Variants in TBX20 observed in about 807,000 individuals in gnomAD.
The protein encoded by TBX20 is T-box transcription factor 20.
Under a neutral mutation model 42.9 loss-of-function variants are expected in TBX20, and 8 were observed. The ratio of observed to expected loss-of-function variants is 0.19; its 90% CI spans 0.11 to 0.34. TBX20 has a LOEUF of 0.34. TBX20 is among the 10% of genes least tolerant of loss of function. The probability of loss-of-function intolerance (pLI) is 1.00; values close to 1 mark genes in which losing one functional copy is unlikely to be tolerated. For synonymous variants in TBX20, 198 were observed against 222.8 expected, an observed-to-expected ratio of 0.89 and a Z score of 0.99; for missense variants, 411 against 566.0, an observed-to-expected ratio of 0.73 and a Z score of 2.78.
At chr7:35,221,670 G>C (rs1484431445) in intron 6 of TBX20, among the ~76,000 whole-genome samples, 1 of 152,158 alleles carries the variant, frequency 6.6e-6, no homozygotes. Context: ...AGTTATGCAA[G>C]AACTCATAAA....
intron 3 of TBX20, among the ~76,000 whole-genome samples, chr7:35,247,844 T>C (rs1790223378): frequency 6.6e-6 from 1 of 152,218 alleles, no homozygotes; most frequent in Non-Finnish European, 1.5e-5. Context: ...GCTAATATGT[T>C]TTGTTTTGTA....
intron 6 of TBX20, among the ~76,000 whole-genome samples, chr7:35,226,841 C>T (rs770055779): frequency 1.4e-4 from 21 of 151,932 alleles, no homozygotes; most frequent in East Asian, 1.4e-3. Context: ...AATTATTTCA[C>T]GGTGTACTCC....
chr7:35,244,459 TC>T (rs1790142347), intron 4 of TBX20, among the ~76,000 whole-genome samples: 1 of 152,234 alleles, frequency 6.6e-6, no homozygotes, highest in East Asian at 1.9e-4. Flanking sequence ...AACAGCACTT[TC>T]CCAAACTGAT....
intron 6 of TBX20, among the ~76,000 whole-genome samples, chr7:35,226,567 G>A (rs2128712845): frequency 6.6e-6 from 1 of 152,262 alleles, no homozygotes; most frequent in African/African-American, 2.4e-5. Flanking sequence ...AAGGAAACTT[G>A]GCAGTATGCA....
intron 1 of TBX20, among the ~76,000 whole-genome samples, chr7:35,252,023 T>G (rs530283819): frequency 6.6e-6 from 1 of 152,070 alleles, no homozygotes; most frequent in Non-Finnish European, 1.5e-5. Context: ...AGTTCAAGAT[T>G]TAGAATTTTC....
Position 35,248,790 on chromosome 7 carries a change from G to A in TBX20, c.432C>T (p.Ala144=). The A allele has an allele frequency of 6.2e-7, 1 of 1,614,102 alleles. No individual in the cohort carries two copies. Among genetic ancestry groups the A allele is most frequent in the Non-Finnish European group, 8.5e-7 (1 of 1,180,014 alleles). ...CGATGTCCATCAGGACTATGTACTT[G>A]GCCTCAGGATCCACCCCCGAAAAGG... is the stretch of plus-strand genomic sequence containing the variant. ...RVSFSGVDPE[A]KYIVLMDIVP... The change falls in exon 3 of 8, where the codon GCC becomes GCT. Residue 144 remains alanine (A), a synonymous_variant. Coordinates refer to ENST00000408931, the MANE Select transcript of TBX20 (RefSeq NM_001077653.2).
rs59548164 is a variant in TBX20, at chr7:35,213,877, C to CAAAAAAAAAAAA, written c.891-9307_891-9296dup. Among the ~76,000 whole-genome samples, 361 of 59,754 alleles carry CAAAAAAAAAAAA rather than the reference C, an allele frequency of 6.0e-3. 15 individuals are homozygous for CAAAAAAAAAAAA. Among genetic ancestry groups the CAAAAAAAAAAAA allele is most frequent in the African/African-American group, 0.024 (352 of 14,768 alleles). The allele number at this position is 59,754 out of a possible 152,430, so 39.2% of individuals were successfully genotyped here. A position where few individuals can be genotyped will look rare whatever the true frequency, so the allele number is the denominator to read the frequency against. On this transcript the variant is annotated intron_variant, in intron 6 of 7. Transcript: ENST00000408931. ...TATGAACAAGGAATTGCAGAGATAGCAAAAAAAAAAAAAAAAAAAAAAAAT... is the reference window on the plus strand; with the variant it reads ...TATGAACAAGGAATTGCAGAGATAGCAAAAAAAAAAAAAAAAAAAAAAAAAAAAAAAAAAAAT...
chr7:35,243,665 A>G (rs1272472254), intron 4 of TBX20, among the ~76,000 whole-genome samples: 2 of 151,590 alleles, frequency 1.3e-5, no homozygotes, highest in Non-Finnish European at 2.9e-5. Context: ...ATAAATTCTA[A>G]ACTGAAAAAA....
At chr7:35,242,402 A>C (rs2128714863) in intron 4 of TBX20, among the ~76,000 whole-genome samples, 1 of 152,350 alleles carries the variant, frequency 6.6e-6, no homozygotes, top group South Asian at 2.1e-4. Context: ...CTGTTTGCAT[A>C]ATACATTTAT....
chr7:35,251,462 A>AT (rs937339452), intron 1 of TBX20, among the ~76,000 whole-genome samples: 2 of 152,178 alleles, frequency 1.3e-5, no homozygotes, highest in African/African-American at 4.8e-5. Context: ...TGCCATCCTG[A>AT]TTTTTTTCAG....
chr7:35,207,736 G>T (rs552532682), intron 6 of TBX20, among the ~76,000 whole-genome samples: 1 of 152,240 alleles, frequency 6.6e-6, no homozygotes, highest in Admixed American at 6.5e-5. Context: ...TGAGAAGACT[G>T]TCCCTTCTCC....
chr7:35,205,026 T>A lies in TBX20; in HGVS notation c.891-444A>T, dbSNP rs528248519. ...CAAATTGCACTGATCCAACAACCAA[T>A]GAAATGTTGGCAAAAAGTTCAAATT... On this transcript the variant is annotated intron_variant, in intron 6 of 7. Transcript: ENST00000408931. Among the ~76,000 whole-genome samples, 131 of 152,274 alleles carry A rather than the reference T, an allele frequency of 8.6e-4. 1 individual carries two copies. The South Asian group carries it at 0.013, about 15-fold the overall frequency.
chr7:35,247,035 T>C (rs1380279422), intron 3 of TBX20, among the ~76,000 whole-genome samples: 2 of 151,888 alleles, frequency 1.3e-5, no homozygotes, highest in Non-Finnish European at 2.9e-5. Flanking sequence ...CAGAACAGAT[T>C]AGTAACATAA....
At chr7:35,225,652 C>T (rs1789757300) in intron 6 of TBX20, among the ~76,000 whole-genome samples, 2 of 152,174 alleles carry the variant, frequency 1.3e-5, no homozygotes, top group Admixed American at 1.3e-4. Flanking sequence ...ATTACATATT[C>T]ATAGATGAGA....
intron 6 of TBX20, among the ~76,000 whole-genome samples, chr7:35,205,119 T>C (rs1433198223): frequency 6.6e-6 from 1 of 152,078 alleles, no homozygotes; most frequent in East Asian, 1.9e-4. Flanking sequence ...TATAGTACAA[T>C]ATAGATAGTT....
At chr7:35,250,345 C>G (rs1790282163) in intron 1 of TBX20, 142 bp from the exon 2 acceptor site, 1 of 999,480 alleles carries the variant, frequency 1.0e-6, no homozygotes, top group Non-Finnish European at 1.5e-6. Context: ...GTAGGGATGA[C>G]CCATCATCAC....
intron 6 of TBX20, among the ~76,000 whole-genome samples, chr7:35,220,942 A>G (rs1371896336): frequency 6.6e-6 from 1 of 152,218 alleles, no homozygotes; most frequent in Non-Finnish European, 1.5e-5. Flanking sequence ...TACACTTACA[A>G]ATAACACAAC....
chr7:35,218,872 C>T (rs1006923531), intron 6 of TBX20, among the ~76,000 whole-genome samples: 1 of 152,062 alleles, frequency 6.6e-6, no homozygotes, highest in Non-Finnish European at 1.5e-5. Flanking sequence ...GAGACTAGTG[C>T]CCTTATGAAA....
intron 4 of TBX20, among the ~76,000 whole-genome samples, chr7:35,244,677 G>A (rs563993124): frequency 5.9e-5 from 9 of 152,284 alleles, no homozygotes; most frequent in Non-Finnish European, 1.2e-4. Flanking sequence ...TGGCTCGGGT[G>A]GTACAGCAAT....
Sources: allele counts gnomAD v4.1 joint callset (sites outside exome capture counted in the v4.1 genomes callset), GRCh38; gene constraint gnomAD v4.1.1; transcripts MANE v1.5; gene names NCBI Gene and HGNC (gene_info 2026-07-23, HGNC 2026-07-21).